Variants in CAPN8 observed in about 807,000 individuals in gnomAD.
The protein encoded by CAPN8 is calpain 8.
CAPN8 carries 87 observed loss-of-function variants against 80.9 expected under a neutral mutation model. That is an observed-to-expected ratio of 1.07 (90% CI 0.90 to 1.28). CAPN8 has a LOEUF of 1.28. CAPN8 is among the 50% of genes most tolerant of loss of function. The pLI is 0.00. For missense variants in CAPN8, 757 were observed against 702.0 expected (o/e 1.08, Z -0.89); for synonymous variants, 299 against 273.8 (o/e 1.09, Z -0.91).
Position 223,558,117 on chromosome 1 carries a change from A to G in CAPN8, c.1572+14T>C. On this transcript the variant is annotated intron_variant, in intron 13 of 20. Transcript: ENST00000366872. ...CAACAGTGTCAGAGTTTGGCATACA[A>G]AAAGATTGCATACCTCATATGGGTT... 1 of 398,648 alleles carries G rather than the reference A, an allele frequency of 2.5e-6. No homozygotes were observed. The highest frequency in any genetic ancestry group is 4.4e-6 in the Non-Finnish European group (1 of 226,060). The allele number at this position is 398,648 out of a possible 1,614,324, so 24.7% of individuals were successfully genotyped here. A position where few individuals can be genotyped will look rare whatever the true frequency, so the allele number is the denominator to read the frequency against.
At chr1:223,639,728 T>C (rs764834412) in intron 2 of CAPN8, among the ~76,000 whole-genome samples, 3 of 152,242 alleles carry the variant, frequency 2.0e-5, no homozygotes, top group Non-Finnish European at 4.4e-5. Context: ...TTTGTCACAT[T>C]TATTTTGTCT....
chr1:223,609,111 C>G lies in CAPN8; in HGVS notation c.1535+42G>C, dbSNP rs1656970349. On this transcript the variant is annotated intron_variant, in intron 12 of 20. Coordinates refer to ENST00000366872, the MANE Select transcript of CAPN8 (RefSeq NM_001143962.2). ...CATGGGGCCATTTCCCTTCGTGGGC[C>G]CACAGACAACTGTTCCCCACCACGG... The G allele has an allele frequency of 1.8e-5, 7 of 398,014 alleles. No individual in the cohort carries two copies. In the South Asian group the frequency reaches 9.2e-4, roughly 52 times the overall value. The allele number at this position is 398,014 out of a possible 1,614,324, so 24.7% of individuals were successfully genotyped here. A position where few individuals can be genotyped will look rare whatever the true frequency, so the allele number is the denominator to read the frequency against.
chr1:223,544,216 A>G (rs2102685795), intron 18 of CAPN8, 33 bp from the exon 19 acceptor site: 1 of 715,914 alleles, frequency 1.4e-6, no homozygotes, highest in Non-Finnish European at 2.6e-6. Flanking sequence ...TCACAGGTAG[A>G]GTGGAGGACT....
intron 10 of CAPN8, among the ~76,000 whole-genome samples, chr1:223,615,287 T>C (rs1423234833): frequency 2.0e-5 from 3 of 152,198 alleles, no homozygotes; most frequent in Non-Finnish European, 2.9e-5. Flanking sequence ...TAAGGAGTCT[T>C]TGCCTGTATA....
chr1:223,618,243 C>A lies in CAPN8; in HGVS notation c.1135+1050G>T, dbSNP rs1210174345. On this transcript the variant is annotated intron_variant, in intron 9 of 20. Coordinates refer to ENST00000366872, the MANE Select transcript of CAPN8 (RefSeq NM_001143962.2). Reference sequence around the variant, plus strand: ...GTGGGGCTGTCTTCCTGAGTTTCTTCATCAGGTGCTGCCTCAGCTGATTCA... The same window carrying A: ...GTGGGGCTGTCTTCCTGAGTTTCTTAATCAGGTGCTGCCTCAGCTGATTCA... 7.7e-6 allele frequency: 12 copies of A among 1,550,442 alleles called. No homozygotes were observed. In the East Asian group the frequency reaches 2.9e-4, roughly 38 times the overall value.
At chr1:223,544,916 T>C in intron 17 of CAPN8, 66 bp from the exon 18 acceptor site, 1 of 1,548,468 alleles carries the variant, frequency 6.5e-7, no homozygotes, top group Non-Finnish European at 8.7e-7. Context: ...ACCATCTCCC[T>C]CCACCACACT....
At chr1:223,612,287 C>G in intron 10 of CAPN8, 30 bp from the exon 11 acceptor site, 2 of 1,234,204 alleles carry the variant, frequency 1.6e-6, no homozygotes, top group Non-Finnish European at 2.0e-6. Context: ...AGCAGGTCAC[C>G]TGAGAGCTCC....
chr1:223,549,231 C>A (rs1656715772), intron 16 of CAPN8, 87 bp downstream of exon 16: 2 of 1,505,330 alleles, frequency 1.3e-6, no homozygotes, highest in East Asian at 4.9e-5. Flanking sequence ...TTTACCCGTC[C>A]CTTCCTTCTA....
intron 9 of CAPN8, among the ~76,000 whole-genome samples, chr1:223,618,458 G>A (rs1657270891): frequency 6.6e-6 from 1 of 152,246 alleles, no homozygotes; most frequent in East Asian, 1.9e-4. Flanking sequence ...CGCTGTCTTT[G>A]CCCCTCCACC....
At chr1:223,613,685 G>T (rs1193590909) in intron 10 of CAPN8, among the ~76,000 whole-genome samples, 1 of 152,230 alleles carries the variant, frequency 6.6e-6, no homozygotes, top group Non-Finnish European at 1.5e-5. Context: ...AGGGGAGAGA[G>T]AGGAGGCCAG....
At chr1:223,543,855 C>A (rs141622788) in intron 19 of CAPN8, among the ~76,000 whole-genome samples, 1 of 152,232 alleles carries the variant, frequency 6.6e-6, no homozygotes, top group Admixed American at 6.5e-5. Context: ...AGGCATCCTC[C>A]GTCCTGGATC....
chr1:223,658,560 T>C (rs997328432), intron 1 of CAPN8, among the ~76,000 whole-genome samples: 1 of 152,156 alleles, frequency 6.6e-6, no homozygotes, highest in Non-Finnish European at 1.5e-5. Context: ...CCCAGCACTT[T>C]GGGAAGCCAA....
At chr1:223,612,977 A>G (rs1657070730) in intron 10 of CAPN8, among the ~76,000 whole-genome samples, 1 of 152,114 alleles carries the variant, frequency 6.6e-6, no homozygotes, top group African/African-American at 2.4e-5. Context: ...GTTGGGCTTT[A>G]TTATATGCAA....
chr1:223,626,005 G>A (rs963396287), intron 5 of CAPN8, 117 bp from the exon 6 acceptor site: 6 of 726,566 alleles, frequency 8.3e-6, no homozygotes, highest in African/African-American at 7.0e-5. Context: ...GGGACTAGGG[G>A]TGTAGGCATG....
chr1:223,632,693 A>G (rs1407235305), intron 2 of CAPN8, among the ~76,000 whole-genome samples: 9 of 152,166 alleles, frequency 5.9e-5, no homozygotes, highest in Admixed American at 5.9e-4. Context: ...TTAATTTTCA[A>G]AAGCAGTCAG....
At chr1:223,653,365 T>A (rs1229251940) in intron 2 of CAPN8, among the ~76,000 whole-genome samples, 1 of 151,950 alleles carries the variant, frequency 6.6e-6, no homozygotes, top group Non-Finnish European at 1.5e-5. Context: ...CCTTGTGATT[T>A]TCAAAATCAT....
At chr1:223,622,579 G>A (rs1343483579) in intron 7 of CAPN8, 6 of 542,826 alleles carry the variant, frequency 1.1e-5, no homozygotes, top group South Asian at 4.9e-5. Flanking sequence ...CCACAGAGCC[G>A]CCAAACTTTC....
At chr1:223,610,392 C>T in intron 11 of CAPN8, among the ~76,000 whole-genome samples, 1 of 152,162 alleles carries the variant, frequency 6.6e-6, no homozygotes, top group Non-Finnish European at 1.5e-5. Flanking sequence ...TGCCCACAGT[C>T]CTTGAGATTC....
Position 223,619,466 on chromosome 1 carries a change from C to CA in CAPN8, c.975-14dup, listed in dbSNP as rs1657312370. On this transcript the variant is annotated splice_polypyrimidine_tract_variant and intron_variant, in intron 8 of 20. Transcript: ENST00000366872. ...TGAAAGTGACATCCTGGGGCAGAGG[C>CA]ACCAGAGGGCTCTCAGTGAAGAGGG... 1 of 1,551,252 alleles carries CA rather than the reference C, an allele frequency of 6.4e-7. No homozygotes were observed. Among genetic ancestry groups the CA allele is most frequent in the Non-Finnish European group, 8.7e-7 (1 of 1,146,928 alleles).
Sources: allele counts gnomAD v4.1 joint callset (sites outside exome capture counted in the v4.1 genomes callset), GRCh38; gene constraint gnomAD v4.1.1; transcripts MANE v1.5; gene names NCBI Gene and HGNC (gene_info 2026-07-23, HGNC 2026-07-21).